WNT5A: variants seen among roughly 807,000 people sequenced by gnomAD.
WNT5A encodes the protein protein Wnt-5a.
In WNT5A, 9 loss-of-function variants were observed where a neutral mutation model predicts 42.1. The observed-to-expected ratio is 0.21, with a 90% CI of 0.13 to 0.37. WNT5A has a LOEUF of 0.37. Ranked by LOEUF, WNT5A falls within the 10% of genes least tolerant of loss-of-function variation. WNT5A has a pLI of 1.00. For synonymous variants in WNT5A, 210 were observed against 210.0 expected, an observed-to-expected ratio of 1.00 and a Z score of 0.00; for missense variants, 426 against 534.0, an observed-to-expected ratio of 0.80 and a Z score of 1.99.
chr3:55,476,130 G>A (rs977847918), intron 3 of WNT5A, among the ~76,000 whole-genome samples: 1 of 152,214 alleles, frequency 6.6e-6, no homozygotes, highest in Non-Finnish European at 1.5e-5. Flanking sequence ...ACAGGACTCA[G>A]TCTGAACGAG....
upstream of WNT5A, chr3:55,487,695 T>G (rs2051603553): frequency 6.6e-6 from 1 of 152,370 alleles, no homozygotes. Context: ...ACACCCCCGC[T>G]GCAGCTTTGG....
Position 55,483,343 on chromosome 3 carries a change from C to T in WNT5A, c.7-2425G>A, listed in dbSNP as rs952988260. Among the ~76,000 whole-genome samples the T allele has an allele frequency of 1.3e-5, 2 of 152,200 alleles. No homozygotes were observed. The highest frequency in any genetic ancestry group is 4.8e-5 in the African/African-American group (2 of 41,460). On this transcript the variant is annotated intron_variant, in intron 1 of 4. Transcript: ENST00000264634. This position sits in a 1 kb window ranked among gnomAD's most constrained non-coding sequence, Gnocchi z 4.2. The stretch of plus-strand genomic sequence containing the variant: ...AAACACCTTGGCCCTCTTCCCTCTT[C>T]AATCCCAGTGCAACCGAGAAAAGGC...
chr3:55,475,500 G>C (rs2051340575), intron 3 of WNT5A, among the ~76,000 whole-genome samples: 1 of 152,212 alleles, frequency 6.6e-6, no homozygotes, highest in Non-Finnish European at 1.5e-5. Flanking sequence ...TCAGCTCATA[G>C]AGAGTTATAA....
At chr3:55,498,861 A>C in the WNT5A span, among the ~76,000 whole-genome samples, 1 of 152,096 alleles carries the variant, frequency 6.6e-6, no homozygotes, top group African/African-American at 2.4e-5. Flanking sequence ...GTTTCTGGGT[A>C]AGGGTTGGGG....
At chr3:55,489,293 GCACACACA>G (rs6147828), upstream of WNT5A, 27,985 of 148,642 alleles carry the variant, frequency 0.19, 2,934 homozygotes, top group African/African-American at 0.28. Flanking sequence ...ACACACGCGC[GCACACACA>G]CACACACACA....
chr3:55,481,506 GGACCAGCGCGC>G (rs1280684112), intron 1 of WNT5A: 1 of 623,474 alleles, frequency 1.6e-6, no homozygotes. Flanking sequence ...GAGGCCCCGG[GGACCAGCGCGC>G]GAGAGTGCCC....
intron 3 of WNT5A, among the ~76,000 whole-genome samples, chr3:55,476,286 T>G (rs1052667557): frequency 1.3e-5 from 2 of 152,176 alleles, no homozygotes; most frequent in Non-Finnish European, 2.9e-5. Flanking sequence ...TCCCATATTT[T>G]CAAAATGAAT....
rs766834717 is a variant in WNT5A at position 55,487,022 on chromosome 3, C to T, written c.-37G>A. ...GGGGGCGCGGGGAGGAAGTCGCCACCCGAGCGAGCGCAGCCGAGGAATCCG... is the reference window on the plus strand; with the variant it reads ...GGGGGCGCGGGGAGGAAGTCGCCACTCGAGCGAGCGCAGCCGAGGAATCCG... On this transcript the variant is annotated 5_prime_UTR_variant, in exon 1 of 5. Coordinates refer to ENST00000264634, the MANE Select transcript of WNT5A (RefSeq NM_003392.7). The T allele has an allele frequency of 2.5e-6, 4 of 1,607,710 alleles. No individual in the cohort carries two copies. Among genetic ancestry groups the T allele is most frequent in the Non-Finnish European group, 3.4e-6 (4 of 1,177,106 alleles).
chr3:55,480,190 T>C (rs1484498433), intron 2 of WNT5A, among the ~76,000 whole-genome samples: 4 of 152,156 alleles, frequency 2.6e-5, no homozygotes. Context: ...ATACCCAGAA[T>C]GCCGTCAAAA....
At position 55,467,474 on chromosome 3, in the gene WNT5A, T is replaced by C. The variant is rs546037351; in HGVS notation, c.*2618A>G. 6.6e-5 allele frequency: 10 copies of C among 152,408 alleles called. No individual in the cohort carries two copies. In the South Asian group the frequency reaches 1.7e-3, roughly 25 times the overall value. 9.4% of individuals were successfully genotyped at this position (152,408 alleles called of 1,614,324 possible). On this transcript the variant is annotated 3_prime_UTR_variant, in exon 5 of 5. Coordinates refer to ENST00000264634, the MANE Select transcript of WNT5A (RefSeq NM_003392.7). ...TCCAAATAGCTTGGTTTTGGTAAAA[T>C]TCACCACTCTTTTATTACTTTGACA...
the WNT5A span, among the ~76,000 whole-genome samples, chr3:55,499,609 G>A: frequency 1.3e-5 from 2 of 152,150 alleles, no homozygotes; most frequent in South Asian, 4.1e-4. Flanking sequence ...ATTAGCGGTT[G>A]ACTTTAAGTC....
rs559884324 is a variant in WNT5A at position 55,483,585 on chromosome 3, C to T, written c.7-2667G>A. On this transcript the variant is annotated intron_variant, in intron 1 of 4. Coordinates refer to ENST00000264634, the MANE Select transcript of WNT5A (RefSeq NM_003392.7). This position sits in a 1 kb window ranked among gnomAD's most constrained non-coding sequence, Gnocchi z 4.2. Reference sequence around the variant, plus strand: ...GGGGCTAAATGTTTTCCAACACTTTCGGGGCTCAGGGAAGATGACTCTGTA... The same window carrying T: ...GGGGCTAAATGTTTTCCAACACTTTTGGGGCTCAGGGAAGATGACTCTGTA... Among the ~76,000 whole-genome samples, 2 of 152,140 alleles carry T rather than the reference C, an allele frequency of 1.3e-5. No individual in the cohort carries two copies. Among genetic ancestry groups the T allele is most frequent in the Non-Finnish European group, 2.9e-5 (2 of 68,030 alleles).
At chr3:55,486,463 G>C (rs981643304) in intron 1 of WNT5A, among the ~76,000 whole-genome samples, 2 of 152,246 alleles carry the variant, frequency 1.3e-5, no homozygotes, top group African/African-American at 4.8e-5. Flanking sequence ...GTGCGGGGGG[G>C]TGTCGGGGAA....
intron 1 of WNT5A, among the ~76,000 whole-genome samples, chr3:55,485,842 A>C (rs2051568673): frequency 6.6e-6 from 1 of 152,090 alleles, no homozygotes; most frequent in African/African-American, 2.4e-5. Flanking sequence ...TCCAGACTTG[A>C]AGTTTTTTGT....
At chr3:55,498,969 TC>T in the WNT5A span, among the ~76,000 whole-genome samples, 1 of 152,200 alleles carries the variant, frequency 6.6e-6, no homozygotes, top group African/African-American at 2.4e-5. Flanking sequence ...TCTTCTGACC[TC>T]GTTAGAGCCC....
upstream of WNT5A, chr3:55,494,147 G>A (rs2051690880): frequency 6.6e-6 from 1 of 152,206 alleles, no homozygotes; most frequent in Admixed American, 6.5e-5. Context: ...CAAAGAGATA[G>A]GAGAAAATGC....
intron 4 of WNT5A, among the ~76,000 whole-genome samples, chr3:55,471,271 G>A (rs751738682): frequency 1.3e-5 from 2 of 152,138 alleles, no homozygotes; most frequent in Non-Finnish European, 2.9e-5. Flanking sequence ...GCCTGCACAG[G>A]TCACACAGCT....
chr3:55,486,069 T>C (rs950816454), intron 1 of WNT5A, among the ~76,000 whole-genome samples: 1 of 152,222 alleles, frequency 6.6e-6, no homozygotes, highest in Non-Finnish European at 1.5e-5. Context: ...AAAAGTGAAC[T>C]CTCAGTGACC....
chr3:55,498,614 T>C, the WNT5A span, among the ~76,000 whole-genome samples: 1 of 152,330 alleles, frequency 6.6e-6, no homozygotes, highest in Admixed American at 6.5e-5. Flanking sequence ...AGAGCACCTT[T>C]GACTCTCCTC....
Sources: allele counts gnomAD v4.1 joint callset (sites outside exome capture counted in the v4.1 genomes callset), GRCh38; gene constraint gnomAD v4.1.1; non-coding constraint Gnocchi (gnomAD v3.1); transcripts MANE v1.5; gene names NCBI Gene and HGNC (gene_info 2026-07-23, HGNC 2026-07-21).